The following COL18A1 variants were observed in gnomAD, a reference collection of about 807,000 sequenced individuals.
COL18A1 encodes collagen type XVIII alpha 1 chain.
Under a neutral mutation model 168.0 loss-of-function variants are expected in COL18A1, and 133 were observed. That is an observed-to-expected ratio of 0.79 (90% CI 0.69 to 0.91). The LOEUF is 0.91. COL18A1 is among the 40% of genes least tolerant of loss of function. COL18A1 has a pLI of 0.00. For synonymous variants in COL18A1, 949 were observed against 809.0 expected (o/e 1.17, Z -2.94); for missense variants, 2,126 against 1,925.4 (o/e 1.10, Z -1.95).
chr21:45,511,282 C>A, intron 41 of COL18A1, 56 bp downstream of exon 41: 1 of 944,146 alleles, frequency 1.1e-6, no homozygotes, highest in Non-Finnish European at 1.7e-6. Context: ...GGAAGGCGGG[C>A]GGGCGGGCTC....
At chr21:45,444,219 T>A (rs2034456399) in intron 2 of COL18A1, among the ~76,000 whole-genome samples, 1 of 152,088 alleles carries the variant, frequency 6.6e-6, no homozygotes, top group Non-Finnish European at 1.5e-5. Context: ...TTGTGCCAGG[T>A]TTTGTTCTCC....
rs139937799 is a variant in COL18A1 at position 45,492,500 on chromosome 21, C to T, written c.2158-35C>T. The T allele has an allele frequency of 6.0e-5, 96 of 1,613,438 alleles. No individual in the cohort carries two copies. The African/African-American group carries it at 1.2e-3, about 20-fold the overall frequency. On this transcript the variant is annotated intron_variant, in intron 22 of 41. Coordinates refer to ENST00000651438, the MANE Select transcript of COL18A1 (RefSeq NM_001379500.1). ...GTCCAGTTGAATTTTAAACGCGGCTCTTTGTTTCCGATTTTTCCTTTTGCT... is the reference window on the plus strand; with the variant it reads ...GTCCAGTTGAATTTTAAACGCGGCTTTTTGTTTCCGATTTTTCCTTTTGCT...
intron 2 of COL18A1, among the ~76,000 whole-genome samples, chr21:45,448,318 A>G (rs1008928662): frequency 6.6e-5 from 10 of 152,222 alleles, no homozygotes; most frequent in African/African-American, 2.4e-4. Flanking sequence ...ATGCACAGGT[A>G]TCCATGCGTG....
At chr21:45,479,230 C>T (rs2035795709) in intron 9 of COL18A1, among the ~76,000 whole-genome samples, 1 of 152,124 alleles carries the variant, frequency 6.6e-6, no homozygotes. Context: ...CATGCACACA[C>T]AGCACATATC....
intron 2 of COL18A1, chr21:45,422,388 G>A (rs780650706): frequency 8.1e-6 from 4 of 491,228 alleles, no homozygotes; most frequent in Admixed American, 6.4e-5. Flanking sequence ...GCGGGGCCTC[G>A]CCTGTGGGCA....
intron 2 of COL18A1, among the ~76,000 whole-genome samples, chr21:45,451,266 T>C (rs1249762154): frequency 1.3e-5 from 2 of 152,242 alleles, no homozygotes; most frequent in African/African-American, 4.8e-5. Context: ...GAGACCCATT[T>C]TCTCATCAGG....
In COL18A1 at chr21:45,471,894, A is replaced by AT. The variant is rs2035442750; in HGVS notation, c.652-1998dup. Among the ~76,000 whole-genome samples the AT allele has an allele frequency of 6.6e-6, 1 of 152,058 alleles. No individual in the cohort carries two copies. Among genetic ancestry groups the AT allele is most frequent in the Non-Finnish European group, 1.5e-5 (1 of 68,006 alleles). On this transcript the variant is annotated intron_variant, in intron 3 of 41. Coordinates refer to ENST00000651438, the MANE Select transcript of COL18A1 (RefSeq NM_001379500.1). The surrounding 1 kb of genome is among the most constrained non-coding windows in gnomAD (Gnocchi z 4.4). The stretch of plus-strand genomic sequence containing the variant: ...ACTTTCAGTCCGAAGTCCCTTAAAT[A>AT]TTTACAATGGGCCTGTGGCTTTTGC...
At chr21:45,430,524 T>C (rs1380177406) in intron 2 of COL18A1, among the ~76,000 whole-genome samples, 1 of 152,068 alleles carries the variant, frequency 6.6e-6, no homozygotes, top group Non-Finnish European at 1.5e-5. Context: ...AGGGAGCTGC[T>C]GAGGAGGGAC....
At chr21:45,437,835 A>ACAG (rs2034217534) in intron 2 of COL18A1, among the ~76,000 whole-genome samples, 1 of 23,588 alleles carries the variant, frequency 4.2e-5, no homozygotes, top group East Asian at 1.2e-3. Context: ...CACTCAGACA[A>ACAG]GCACTCTCCT....
At chr21:45,503,693 G>C (rs543057184) in intron 32 of COL18A1, among the ~76,000 whole-genome samples, 8 of 150,688 alleles carry the variant, frequency 5.3e-5, no homozygotes, top group Non-Finnish European at 8.8e-5. Flanking sequence ...GCTAGATGAC[G>C]AGTTAGTGGG....
At chr21:45,429,180 C>T (rs779396218) in intron 2 of COL18A1, among the ~76,000 whole-genome samples, 1 of 151,672 alleles carries the variant, frequency 6.6e-6, no homozygotes, top group Non-Finnish European at 1.5e-5. Context: ...GGATTACAGG[C>T]GTGAGCCACC....
At chr21:45,507,305 AGG>A in intron 37 of COL18A1, 1 of 544,706 alleles carries the variant, frequency 1.8e-6, no homozygotes, top group Non-Finnish European at 3.3e-6. Flanking sequence ...CTGGGCAGGG[AGG>A]GCACCCTCCT....
chr21:45,466,467 A>C, intron 2 of COL18A1, among the ~76,000 whole-genome samples: 1 of 150,808 alleles, frequency 6.6e-6, no homozygotes. Context: ...GAGCTCTCGC[A>C]CCCGGGAAGG....
chr21:45,437,639 C>G (rs1226169442), intron 2 of COL18A1, among the ~76,000 whole-genome samples: 2 of 83,060 alleles, frequency 2.4e-5, no homozygotes, highest in Non-Finnish European at 4.4e-5. Flanking sequence ...CACACTCACA[C>G]AGGCACTCTC....
At position 45,423,349 on chromosome 21, in the gene COL18A1, AT is replaced by A. The variant is rs2033684338; in HGVS notation, c.106+17878del. Among the ~76,000 whole-genome samples, 2 of 152,164 alleles carry A rather than the reference AT, an allele frequency of 1.3e-5. No homozygotes were observed. The highest frequency in any genetic ancestry group is 1.3e-4 in the Admixed American group (2 of 15,288). On this transcript the variant is annotated intron_variant, in intron 2 of 41. Coordinates refer to ENST00000651438, the MANE Select transcript of COL18A1 (RefSeq NM_001379500.1). This position sits in a 1 kb window ranked among gnomAD's most constrained non-coding sequence, Gnocchi z 4.0. The stretch of plus-strand genomic sequence containing the variant: ...AGCTGCCCTTGCTGTGCTGGGGTAC[AT>A]TCCCCGAGCTTCCACAGTTTCCCTT...
At chr21:45,439,529 T>C (rs968509201) in intron 2 of COL18A1, among the ~76,000 whole-genome samples, 3 of 151,092 alleles carry the variant, frequency 2.0e-5, no homozygotes. Flanking sequence ...CCATTGGGAC[T>C]TCGGTGCCTG....
Position 45,405,379 on chromosome 21 carries a change from G to A in COL18A1, c.12G>A (p.Arg4=), listed in dbSNP as rs1309288859. The A allele has an allele frequency of 2.3e-6, 3 of 1,289,036 alleles. No homozygotes were observed. Among genetic ancestry groups the A allele is most frequent in the Non-Finnish European group, 3.0e-6 (3 of 1,016,062 alleles). The allele number at this position is 1,289,036 out of a possible 1,614,324, so 79.8% of individuals were successfully genotyped here. A position where few individuals can be genotyped will look rare whatever the true frequency, so the allele number is the denominator to read the frequency against. The change falls in exon 2 of 42, where the codon AGG becomes AGA. Residue 4 remains arginine, a splice_region_variant and synonymous_variant. Coordinates refer to ENST00000651438, the MANE Select transcript of COL18A1 (RefSeq NM_001379500.1). ...TCTGACCCGTGCCTGTCCCGCGCAG[G>A]TGCCCCTGGCCATGGCCGCGGCGGC... MAP[R]CPWPWPRRRR...
rs1449198497 is a variant in COL18A1 at position 45,473,991 on chromosome 21, A to G, written c.738+10A>G. ...CGATGACTCAGATGGGGTGAGTGAC[A>G]TCTGGGGCACGGGTGGGGTCTCCCC... On this transcript the variant is annotated intron_variant, in intron 4 of 41. Transcript: ENST00000651438. The surrounding 1 kb of genome is among the most constrained non-coding windows in gnomAD (Gnocchi z 4.0). 5.7e-6 allele frequency: 9 copies of G among 1,580,124 alleles called. No homozygotes were observed. The East Asian group carries it at 1.9e-4, about 33-fold the overall frequency.
At chr21:45,465,485 C>G (rs1203310250) in intron 2 of COL18A1, among the ~76,000 whole-genome samples, 1 of 152,216 alleles carries the variant, frequency 6.6e-6, no homozygotes, top group Non-Finnish European at 1.5e-5. Context: ...TGCGTAAGTG[C>G]TATGGTGTGA....
Sources: allele counts gnomAD v4.1 joint callset (sites outside exome capture counted in the v4.1 genomes callset), GRCh38; gene constraint gnomAD v4.1.1; non-coding constraint Gnocchi (gnomAD v3.1); transcripts MANE v1.5; gene names NCBI Gene and HGNC (gene_info 2026-07-23, HGNC 2026-07-21).